ASAP1: variants seen among roughly 807,000 people sequenced by gnomAD.
ASAP1 encodes the protein arf-GAP with SH3 domain, ANK repeat and PH domain-containing protein 1.
ASAP1 carries 43 observed loss-of-function variants against 145.2 expected under a neutral mutation model. The ratio of observed to expected loss-of-function variants is 0.30; its 90% CI spans 0.23 to 0.38. The LOEUF is 0.38. Ranked by LOEUF, ASAP1 falls within the 10% of genes least tolerant of loss-of-function variation. The pLI, the probability that ASAP1 is intolerant of heterozygous loss-of-function variation, is 1.00. For synonymous variants in ASAP1, 546 were observed against 515.5 expected, an observed-to-expected ratio of 1.06 and a Z score of -0.80; for missense variants, 1,018 against 1,355.3, an observed-to-expected ratio of 0.75 and a Z score of 3.91.
Position 130,076,491 on chromosome 8 carries a change from G to T in ASAP1, c.2643-85C>A, listed in dbSNP as rs375355497. On this transcript the variant is annotated intron_variant, in intron 26 of 29. Coordinates refer to ENST00000518721, the MANE Select transcript of ASAP1 (RefSeq NM_018482.4). ...ATTATTCAAGTAAATCAAATCAAAGGTATTTACATAATCATCTAAAGAATG... is the reference window on the plus strand; with the variant it reads ...ATTATTCAAGTAAATCAAATCAAAGTTATTTACATAATCATCTAAAGAATG... The T allele has an allele frequency of 1.2e-4, 121 of 1,016,142 alleles. No homozygotes were observed. In the African/African-American group the frequency reaches 1.6e-3, roughly 13 times the overall value. The allele number at this position is 1,016,142 out of a possible 1,614,324, so 62.9% of individuals were successfully genotyped here.
chr8:130,259,917 A>G (rs1489940406), intron 3 of ASAP1, among the ~76,000 whole-genome samples: 2 of 152,248 alleles, frequency 1.3e-5, no homozygotes, highest in African/African-American at 2.4e-5. Flanking sequence ...TTTATCTATC[A>G]GTCATAGGCA....
intron 2 of ASAP1, among the ~76,000 whole-genome samples, chr8:130,362,988 A>G (rs576443505): frequency 6.6e-6 from 1 of 152,208 alleles, no homozygotes; most frequent in Non-Finnish European, 1.5e-5. Flanking sequence ...TGATTCTCAC[A>G]TAAAAAAGAT....
intron 2 of ASAP1, among the ~76,000 whole-genome samples, chr8:130,377,109 C>T (rs534303923): frequency 6.6e-6 from 1 of 152,062 alleles, no homozygotes; most frequent in East Asian, 1.9e-4. Context: ...ACTTAGAATT[C>T]CTGAGCCCAG....
intron 25 of ASAP1, among the ~76,000 whole-genome samples, chr8:130,090,125 C>A (rs865996230): frequency 1.3e-5 from 2 of 152,174 alleles, no homozygotes; most frequent in Non-Finnish European, 2.9e-5. Flanking sequence ...GAAAAACGGC[C>A]AGCTGCTAGT....
intron 7 of ASAP1, 27 bp from the exon 8 acceptor site, chr8:130,180,907 TA>T (rs71572332): frequency 0.011 from 14,232 of 1,291,518 alleles, 9 homozygotes; most frequent in Admixed American, 0.024. Context: ...TGTCATTATT[TA>T]AAAAAAAAAA....
chr8:130,295,085 G>A (rs550852636), intron 3 of ASAP1, among the ~76,000 whole-genome samples: 5 of 152,154 alleles, frequency 3.3e-5, no homozygotes, highest in Admixed American at 1.3e-4. Flanking sequence ...GCAATATAGC[G>A]CAACCCAGTC....
chr8:130,437,980 C>CAAGA (rs1830374574), intron 1 of ASAP1, among the ~76,000 whole-genome samples: 2 of 152,180 alleles, frequency 1.3e-5, no homozygotes, highest in Admixed American at 1.3e-4. Context: ...AGAGGAAACA[C>CAAGA]CAAAAATATT....
chr8:130,060,467 G>A, intron 28 of ASAP1, 112 bp downstream of exon 28: 1 of 1,382,876 alleles, frequency 7.2e-7, no homozygotes, highest in Non-Finnish European at 9.8e-7. Context: ...GCACATAAGG[G>A]TCAGGTGAGC....
In ASAP1 at chr8:130,440,675, C is replaced by T. The variant is rs184325718; in HGVS notation, c.-28+2785G>A. On this transcript the variant is annotated intron_variant, in intron 1 of 29. Transcript: ENST00000518721. ...CCTTGCGCCATTCCCCCCATCTCTC[C>T]CTTACACTCTAGCCCTGCCTTCCCT... Among the ~76,000 whole-genome samples the T allele has an allele frequency of 2.5e-3, 383 of 152,268 alleles. 5 individuals are homozygous for T. The highest frequency in any genetic ancestry group is 0.021 in the Admixed American group (326 of 15,288).
At chr8:130,092,271 ATATGGCTAAC>A in intron 24 of ASAP1, 128 bp from the exon 25 acceptor site, 1 of 994,002 alleles carries the variant, frequency 1.0e-6, no homozygotes, top group Non-Finnish European at 1.4e-6. Context: ...AAAAGGCTGG[ATATGGCTAAC>A]TCCATCAACC....
At chr8:130,250,908 T>G (rs1374706592) in intron 3 of ASAP1, among the ~76,000 whole-genome samples, 1 of 152,202 alleles carries the variant, frequency 6.6e-6, no homozygotes, top group Non-Finnish European at 1.5e-5. Flanking sequence ...TACTACATTC[T>G]AACGATATCT....
intron 25 of ASAP1, among the ~76,000 whole-genome samples, chr8:130,087,551 C>T (rs1472845242): frequency 6.6e-6 from 1 of 152,026 alleles, no homozygotes; most frequent in Non-Finnish European, 1.5e-5. Context: ...CAGGTGGAAA[C>T]CTCCACCTGG....
intron 11 of ASAP1, among the ~76,000 whole-genome samples, chr8:130,165,776 A>G (rs1273304822): frequency 6.6e-6 from 1 of 152,228 alleles, no homozygotes; most frequent in African/African-American, 2.4e-5. Context: ...TTGGAGAACC[A>G]GAAAAATAGA....
At chr8:130,145,014 T>C (rs1393208569) in intron 13 of ASAP1, among the ~76,000 whole-genome samples, 1 of 152,124 alleles carries the variant, frequency 6.6e-6, no homozygotes, top group Non-Finnish European at 1.5e-5. Context: ...ACAATGCAAA[T>C]AGAAAAAAAG....
chr8:130,379,115 G>A (rs1187189539), intron 2 of ASAP1, among the ~76,000 whole-genome samples: 1 of 152,090 alleles, frequency 6.6e-6, no homozygotes, highest in African/African-American at 2.4e-5. Flanking sequence ...AATCAATCAT[G>A]CCTATGTAAT....
chr8:130,428,805 C>T lies in ASAP1; in HGVS notation c.-28+14655G>A, dbSNP rs150400821. Among the ~76,000 whole-genome samples, 1,305 of 152,102 alleles carry T rather than the reference C, an allele frequency of 8.6e-3. 9 individuals carry two copies. The highest frequency in any genetic ancestry group is 0.014 in the Middle Eastern group (4 of 294). On this transcript the variant is annotated intron_variant, in intron 1 of 29. Transcript: ENST00000518721. ...CATCATATCATCATCACCATCACCACCACCACCACCATCATTATCATTGCA... is the reference window on the plus strand; with the variant it reads ...CATCATATCATCATCACCATCACCATCACCACCACCATCATTATCATTGCA...
rs1828249237 is a variant in ASAP1, at chr8:130,390,934, C to CG, written c.59+10950_59+10951insC. ...AGCAATTCCACTTCTGGGTATATATCCCCCGCCCCCCCAAAATTGAAAGCA... is the reference window on the plus strand; with the variant it reads ...AGCAATTCCACTTCTGGGTATATATCGCCCCGCCCCCCCAAAATTGAAAGCA... On this transcript the variant is annotated intron_variant, in intron 2 of 29. Transcript: ENST00000518721. 5.9e-5 allele frequency among the ~76,000 whole-genome samples: 7 copies of CG among 118,800 alleles called. 1 individual carries two copies. The highest frequency in any genetic ancestry group is 4.0e-5 in the African/African-American group (1 of 24,850). 77.9% of individuals were successfully genotyped at this position (118,800 alleles called of 152,430 possible). A position where few individuals can be genotyped will look rare whatever the true frequency, so the allele number is the denominator to read the frequency against.
At chr8:130,383,725 C>T (rs1469231297) in intron 2 of ASAP1, among the ~76,000 whole-genome samples, 1 of 152,218 alleles carries the variant, frequency 6.6e-6, no homozygotes. Context: ...AGTATCACAA[C>T]AGAAGACAGA....
At chr8:130,326,132 G>A (rs897512440) in intron 3 of ASAP1, among the ~76,000 whole-genome samples, 2 of 152,180 alleles carry the variant, frequency 1.3e-5, no homozygotes, top group African/African-American at 4.8e-5. Flanking sequence ...AATCAGAGAA[G>A]GCTTTAAGGA....
Sources: gnomAD v4.1 joint callset for allele counts (sites outside exome capture counted in the v4.1 genomes callset) on GRCh38, gnomAD v4.1.1 for gene constraint, MANE v1.5 for transcripts, NCBI Gene and HGNC (gene_info 2026-07-23, HGNC 2026-07-21) for gene names.